The following NOTCH1 variants were observed in gnomAD, a reference collection of about 807,000 sequenced individuals.
NOTCH1 encodes the protein neurogenic locus notch homolog protein 1.
NOTCH1 carries 37 observed loss-of-function variants against 254.8 expected under a neutral mutation model. That is an observed-to-expected ratio of 0.15 (90% confidence interval 0.11 to 0.19). The LOEUF is 0.19. NOTCH1 is among the 10% of genes least tolerant of loss of function. The pLI is 1.00. For missense variants in NOTCH1, 2,972 were observed against 3,708.6 expected (o/e 0.80, Z 5.16); for synonymous variants, 1,731 against 1,618.1 (o/e 1.07, Z -1.68).
chr9:136,528,007 C>T (rs913557323), intron 2 of NOTCH1, among the ~76,000 whole-genome samples: 43 of 152,110 alleles, frequency 2.8e-4, no homozygotes, highest in Non-Finnish European at 5.7e-4. Flanking sequence ...CAGATGCTGC[C>T]GAGACCTTTC....
rs2133337057 is a variant in NOTCH1, at chr9:136,504,943, T to C, written c.4748A>G (p.Glu1583Gly). ...TLVVVVLMPP[E>G]QLRNSSFHFL... Reference sequence around the variant, plus strand: ...GTGGAAGGAGCTGTTGCGCAGCTGCTCCGGCGGCATCAGCACCACCACCAC... The same window carrying C: ...GTGGAAGGAGCTGTTGCGCAGCTGCCCCGGCGGCATCAGCACCACCACCAC... The change falls in exon 26 of 34, where the codon GAG becomes GGG. Residue 1583 changes from glutamate (E) to glycine (G), a missense_variant. By Grantham distance (98) the Glu-to-Gly change is moderately conservative (BLOSUM62 -2). This residue lies in a region of NOTCH1 where 1,343 missense variants were observed against 1,557.0 expected (regional missense o/e 0.86). Coordinates refer to ENST00000651671, the MANE Select transcript of NOTCH1 (RefSeq NM_017617.5). 6.3e-7 allele frequency: 1 copy of C among 1,587,224 alleles called. No individual in the cohort carries two copies. Among genetic ancestry groups the C allele is most frequent in the Non-Finnish European group, 8.6e-7 (1 of 1,168,576 alleles).
rs377286829 is a variant in NOTCH1, at chr9:136,513,419, C to T, written c.2326G>A (p.Val776Met). ...GTCKDMTSGYVCTCREGFSGP... is the reference protein window; with the variant it reads ...GTCKDMTSGYMCTCREGFSGP... Reference sequence around the variant, plus strand: ...CTGAAGCCCTCCCGGCAGGTGCACACGTAGCCACTGGTCATGTCTTTGCAG... The same window carrying T: ...CTGAAGCCCTCCCGGCAGGTGCACATGTAGCCACTGGTCATGTCTTTGCAG... Residue 776 changes from valine to methionine, a missense_variant, in exon 14 of 34, where the codon GTG becomes ATG. Physicochemically the swap from Val to Met is conservative, Grantham distance 21 (BLOSUM62 1). Transcript: ENST00000651671. This position sits in a 1 kb window ranked among gnomAD's most constrained non-coding sequence, Gnocchi z 4.7. 22 of 1,612,806 alleles carry T rather than the reference C, an allele frequency of 1.4e-5. No homozygotes were observed. In the African/African-American group the frequency reaches 1.7e-4, roughly 13 times the overall value.
intron 6 of NOTCH1, 50 bp downstream of exon 6, chr9:136,518,541 G>C (rs1843314804): frequency 6.5e-7 from 1 of 1,527,036 alleles, no homozygotes; most frequent in African/African-American, 1.4e-5. Context: ...CACAGCTCAG[G>C]CCTGGCCCAT....
At chr9:136,531,536 C>T (rs1484626167) in intron 2 of NOTCH1, among the ~76,000 whole-genome samples, 1 of 152,230 alleles carries the variant, frequency 6.6e-6, no homozygotes, top group Non-Finnish European at 1.5e-5. Flanking sequence ...AGCATTCTTA[C>T]AGCTCCACCG....
rs1436848611 is a variant in NOTCH1, at chr9:136,517,260, G to T, written c.1555+12C>A. On this transcript the variant is annotated intron_variant, in intron 9 of 33. Transcript: ENST00000651671. Reference sequence around the variant, plus strand: ...AGACGACCCGGGGGCAGGGGGCGGGGGTGGCCCTCACCCGTGGGGCACTCG... The same window carrying T: ...AGACGACCCGGGGGCAGGGGGCGGGTGTGGCCCTCACCCGTGGGGCACTCG... 3.2e-6 allele frequency: 5 copies of T among 1,554,486 alleles called. No individual in the cohort carries two copies. Among genetic ancestry groups the T allele is most frequent in the Non-Finnish European group, 4.4e-6 (5 of 1,137,954 alleles).
intron 4 of NOTCH1, among the ~76,000 whole-genome samples, chr9:136,522,175 C>T (rs898767504): frequency 1.2e-4 from 18 of 152,194 alleles, no homozygotes; most frequent in Admixed American, 1.0e-3. Context: ...GACGGGGTTT[C>T]GCCGTGTTAG....
Position 136,506,432 on chromosome 9 carries a change from G to T in NOTCH1, c.4014+95C>A. 1 of 1,031,572 alleles carries T rather than the reference G, an allele frequency of 9.7e-7. No individual in the cohort carries two copies. Among genetic ancestry groups the T allele is most frequent in the Non-Finnish European group, 1.4e-6 (1 of 691,018 alleles). 63.9% of individuals were successfully genotyped at this position (1,031,572 alleles called of 1,614,324 possible). ...GTGAGGAGGAGGATGAAGGCCGGGA[G>T]GATCACTGCCCGGTCTGCGCCCCGA... On this transcript the variant is annotated intron_variant, in intron 24 of 33. Coordinates refer to ENST00000651671, the MANE Select transcript of NOTCH1 (RefSeq NM_017617.5). This position sits in a 1 kb window ranked among gnomAD's most constrained non-coding sequence, Gnocchi z 4.5.
At position 136,513,000 on chromosome 9, in the gene NOTCH1, C is replaced by T. The variant is rs3812608; in HGVS notation, c.2467+21G>A. The stretch of plus-strand genomic sequence containing the variant: ...CACATAGGCCCCGCCCCCTCCAGCA[C>T]AGGCCCCACCCACCCCTCACCTGTG... On this transcript the variant is annotated intron_variant, in intron 15 of 33. Coordinates refer to ENST00000651671, the MANE Select transcript of NOTCH1 (RefSeq NM_017617.5). 476,949 of 988,588 alleles carry T rather than the reference C, an allele frequency of 0.48. 134,099 individuals are homozygous for T. The highest frequency in any genetic ancestry group is 0.82 in the East Asian group (32,783 of 40,010). 61.2% of individuals were successfully genotyped at this position (988,588 alleles called of 1,614,324 possible).
chr9:136,497,487 A>G lies in NOTCH1; in HGVS notation c.6252T>C (p.Phe2084=), dbSNP rs1411703550. ...YETAKVLLDH[F]ANRDITDHMD... is the part of the protein sequence containing the mutation. ...TATGATCCGTGATGTCCCGGTTGGC[A>G]AAGTGGTCCAGCAGCACCTTGGCGG... Residue 2084 remains phenylalanine, a synonymous_variant, in exon 34 of 34, where the codon TTT becomes TTC. Transcript: ENST00000651671. 2 of 1,612,070 alleles carry G rather than the reference A, an allele frequency of 1.2e-6. No homozygotes were observed. The highest frequency in any genetic ancestry group is 1.7e-6 in the Non-Finnish European group (2 of 1,179,794).
At chr9:136,528,144 C>T (rs941889026) in intron 2 of NOTCH1, among the ~76,000 whole-genome samples, 5 of 151,060 alleles carry the variant, frequency 3.3e-5, no homozygotes, top group African/African-American at 9.8e-5. Flanking sequence ...GGACTCAGTG[C>T]GGGTAGGACT....
intron 2 of NOTCH1, among the ~76,000 whole-genome samples, chr9:136,536,449 G>C (rs1367932355): frequency 1.3e-5 from 2 of 152,190 alleles, no homozygotes; most frequent in African/African-American, 4.8e-5. Context: ...AAGCAGCCTG[G>C]AGCCAATCAC....
In NOTCH1 at chr9:136,515,360, G is replaced by C. The variant is rs1033202692; in HGVS notation, c.1944C>G (p.Ser648Arg). 6.2e-7 allele frequency: 1 copy of C among 1,613,048 alleles called. No homozygotes were observed. The highest frequency in any genetic ancestry group is 1.3e-5 in the African/African-American group (1 of 75,050). Residue 648 changes from serine to arginine, a missense_variant, in exon 12 of 34, where the codon AGC becomes AGG. By Grantham distance (110) the Ser-to-Arg change is moderately radical. Around this residue, in one of 8 missense-constraint regions of NOTCH1, gnomAD observed 1,343 missense variants for 1,557.0 expected, o/e 0.86. Coordinates refer to ENST00000651671, the MANE Select transcript of NOTCH1 (RefSeq NM_017617.5). The part of the protein sequence containing the change: ...CEINLDDCAS[S>R]PCDSGTCLDK... ...CCAGACAGGTGCCCGAGTCGCAGGG[G>C]CTGCTGGCACAGTCATCCAGGTTGA...
chr9:136,522,641 A>G, intron 4 of NOTCH1: 1 of 571,378 alleles, frequency 1.8e-6, no homozygotes, highest in Non-Finnish European at 3.0e-6. Context: ...TGGCACCTGG[A>G]CCCTGTGCAA....
At chr9:136,533,407 T>TTCC (rs1564209451) in intron 2 of NOTCH1, among the ~76,000 whole-genome samples, 1 of 152,264 alleles carries the variant, frequency 6.6e-6, no homozygotes, top group Non-Finnish European at 1.5e-5. Flanking sequence ...AACTGTGTGT[T>TTCC]TCCGCTCGTC....
intron 2 of NOTCH1, among the ~76,000 whole-genome samples, chr9:136,534,014 GC>G (rs1843603373): frequency 6.6e-6 from 1 of 152,248 alleles, no homozygotes; most frequent in South Asian, 2.1e-4. Context: ...AGGGCAGGAA[GC>G]TGGGAGCCAC....
chr9:136,528,323 G>A (rs1249321995), intron 2 of NOTCH1, among the ~76,000 whole-genome samples: 1 of 133,796 alleles, frequency 7.5e-6, no homozygotes, highest in East Asian at 2.3e-4. Flanking sequence ...GAGACCCTGG[G>A]TGGGAGAGGT....
chr9:136,510,630 G>T, intron 17 of NOTCH1, 23 bp downstream of exon 17: 1 of 1,596,544 alleles, frequency 6.3e-7, no homozygotes, highest in Non-Finnish European at 8.5e-7. Flanking sequence ...CCTGGAGGAG[G>T]CCAGAGCCGC....
rs573722097 is a variant in NOTCH1, at chr9:136,498,157, G to A, written c.6181-599C>T. On this transcript the variant is annotated intron_variant, in intron 33 of 33. Transcript: ENST00000651671. ...GGGAGCGCCTGGGCCAACATGCCCC[G>A]GTGCCCAGGCCCGCTGTGTGCCCTC... 9.2e-5 allele frequency among the ~76,000 whole-genome samples: 14 copies of A among 152,102 alleles called. No homozygotes were observed. The East Asian group carries it at 1.9e-3, about 21-fold the overall frequency.
chr9:136,531,625 G>A (rs1843560910), intron 2 of NOTCH1, among the ~76,000 whole-genome samples: 3 of 152,080 alleles, frequency 2.0e-5, no homozygotes, highest in Admixed American at 2.0e-4. Context: ...CCTTCCTCCC[G>A]CCCAGCAGGA....
Sources: gnomAD v4.1 joint callset for allele counts (sites outside exome capture counted in the v4.1 genomes callset) on GRCh38, gnomAD v4.1.1 for gene constraint, gnomAD v4.1.1 regional missense constraint, Gnocchi (gnomAD v3.1) non-coding constraint, MANE v1.5 for transcripts, NCBI Gene and HGNC (gene_info 2026-07-23, HGNC 2026-07-21) for gene names.